Variants in ARHGAP42 observed in about 807,000 individuals in gnomAD.
ARHGAP42 encodes rho GTPase-activating protein 42.
Under a neutral mutation model 125.0 loss-of-function variants are expected in ARHGAP42, and 63 were observed. The ratio of observed to expected loss-of-function variants is 0.50; its 90% CI spans 0.41 to 0.62. The LOEUF is 0.62. Among genes scored for constraint, ARHGAP42 ranks in the 20% least tolerant of loss-of-function variants. The pLI, the probability that ARHGAP42 is intolerant of heterozygous loss-of-function variation, is 0.00. For synonymous variants in ARHGAP42, 339 were observed against 351.0 expected (o/e 0.97, Z 0.38); for missense variants, 766 against 1,024.2 (o/e 0.75, Z 3.44).
chr11:100,859,996 T>G (rs1865408995), intron 4 of ARHGAP42: 1 of 156,440 alleles, frequency 6.4e-6, no homozygotes, highest in Non-Finnish European at 1.4e-5. Context: ...TTCTTTGTAT[T>G]TTTTATAAAT....
intron 1 of ARHGAP42, among the ~76,000 whole-genome samples, chr11:100,765,786 A>G (rs1203249181): frequency 6.6e-6 from 1 of 152,150 alleles, no homozygotes; most frequent in Non-Finnish European, 1.5e-5. Flanking sequence ...ATCGAGACAG[A>G]TTGCTCCTGT....
chr11:100,749,742 G>A (rs555691153), intron 1 of ARHGAP42, among the ~76,000 whole-genome samples: 22 of 152,062 alleles, frequency 1.4e-4, no homozygotes, highest in Non-Finnish European at 2.4e-4. Flanking sequence ...GGACCCACTC[G>A]CTCCGTCCAG....
chr11:100,885,372 T>C (rs138296108), intron 4 of ARHGAP42, among the ~76,000 whole-genome samples: 1 of 152,196 alleles, frequency 6.6e-6, no homozygotes, highest in Non-Finnish European at 1.5e-5. Context: ...ATCTTCCCTG[T>C]CAACAATTTC....
intron 12 of ARHGAP42, among the ~76,000 whole-genome samples, chr11:100,956,355 T>TC (rs1857804705): frequency 6.6e-6 from 1 of 152,176 alleles, no homozygotes; most frequent in African/African-American, 2.4e-5. Flanking sequence ...GTTCATTTCT[T>TC]CTTTATAGTA....
At chr11:100,885,575 G>T (rs1036047008) in intron 4 of ARHGAP42, among the ~76,000 whole-genome samples, 2 of 152,018 alleles carry the variant, frequency 1.3e-5, no homozygotes, top group Non-Finnish European at 2.9e-5. Flanking sequence ...ATTTGAAATG[G>T]ATTCTAAAGT....
At chr11:100,959,452 G>A (rs1382145049) in intron 12 of ARHGAP42, among the ~76,000 whole-genome samples, 2 of 152,012 alleles carry the variant, frequency 1.3e-5, no homozygotes, top group Non-Finnish European at 2.9e-5. Flanking sequence ...GCAACCCAGG[G>A]AATCATCTTA....
intron 4 of ARHGAP42, among the ~76,000 whole-genome samples, chr11:100,885,975 G>A (rs562785554): frequency 9.8e-5 from 15 of 152,290 alleles, no homozygotes; most frequent in African/African-American, 3.4e-4. Context: ...GATGAGGTAG[G>A]TTTGCAGCCA....
chr11:100,853,258 G>C (rs1458912044), intron 3 of ARHGAP42, among the ~76,000 whole-genome samples: 1 of 152,092 alleles, frequency 6.6e-6, no homozygotes, highest in Non-Finnish European at 1.5e-5. Context: ...TTGAAAAGAA[G>C]TTTGACTTTG....
At chr11:100,716,403 G>T (rs973105162) in intron 1 of ARHGAP42, among the ~76,000 whole-genome samples, 5 of 152,216 alleles carry the variant, frequency 3.3e-5, no homozygotes, top group African/African-American at 1.2e-4. Context: ...AAAACAACCA[G>T]TGGATTCCGT....
intron 3 of ARHGAP42, among the ~76,000 whole-genome samples, chr11:100,847,039 G>C (rs1865085601): frequency 6.6e-6 from 1 of 152,062 alleles, no homozygotes; most frequent in African/African-American, 2.4e-5. Context: ...CATACGGAGT[G>C]GTCCAGTGAC....
intron 4 of ARHGAP42, among the ~76,000 whole-genome samples, chr11:100,875,952 G>T (rs80354720): frequency 6.6e-6 from 1 of 152,160 alleles, no homozygotes. Context: ...TGTTACAAGA[G>T]CACAGTTGGG....
chr11:100,948,809 C>T (rs1868095570), intron 11 of ARHGAP42, among the ~76,000 whole-genome samples: 1 of 152,046 alleles, frequency 6.6e-6, no homozygotes, highest in Non-Finnish European at 1.5e-5. Flanking sequence ...ACCTTGGCTC[C>T]ACCCATTAGG....
chr11:100,934,335 C>T (rs1010823290), intron 7 of ARHGAP42, among the ~76,000 whole-genome samples: 4 of 151,904 alleles, frequency 2.6e-5, no homozygotes, highest in Admixed American at 1.3e-4. Context: ...AGACATGCCA[C>T]CCTCTGAACC....
intron 4 of ARHGAP42, among the ~76,000 whole-genome samples, chr11:100,863,965 A>G (rs1591248731): frequency 6.6e-6 from 1 of 152,306 alleles, no homozygotes; most frequent in South Asian, 2.1e-4. Flanking sequence ...AAAAACTGCA[A>G]TTACTTTTGC....
intron 4 of ARHGAP42, among the ~76,000 whole-genome samples, chr11:100,860,274 C>T (rs559998407): frequency 8.7e-4 from 132 of 152,170 alleles, no homozygotes; most frequent in African/African-American, 3.0e-3. Context: ...TGTCGTATCC[C>T]TTCCCCATTT....
chr11:100,812,319 G>A (rs2135061240), intron 3 of ARHGAP42, among the ~76,000 whole-genome samples: 1 of 152,216 alleles, frequency 6.6e-6, no homozygotes, highest in Non-Finnish European at 1.5e-5. Flanking sequence ...AGAAGTAGTT[G>A]GAAAGGATAG....
intron 4 of ARHGAP42, among the ~76,000 whole-genome samples, chr11:100,872,105 G>T (rs1339428399): frequency 6.6e-6 from 1 of 152,076 alleles, no homozygotes; most frequent in Non-Finnish European, 1.5e-5. Flanking sequence ...TCTATAGACG[G>T]CTCCTATTTT....
chr11:100,859,521 C>G lies in ARHGAP42; in HGVS notation c.313-33C>G, dbSNP rs1455912842. On this transcript the variant is annotated intron_variant, in intron 3 of 23. Coordinates refer to ENST00000298815, the MANE Select transcript of ARHGAP42 (RefSeq NM_152432.4). Reference sequence around the variant, plus strand: ...TCAATGTTGTTGGCATGAAATTATGCAAGATTTAATATATGTGCATTTTTT... The same window carrying G: ...TCAATGTTGTTGGCATGAAATTATGGAAGATTTAATATATGTGCATTTTTT... 24 of 1,498,946 alleles carry G rather than the reference C, an allele frequency of 1.6e-5. 1 individual carries two copies. The Admixed American group carries it at 4.8e-4, about 30-fold the overall frequency. The allele number at this position is 1,498,946 out of a possible 1,614,324, so 92.9% of individuals were successfully genotyped here.
At chr11:100,920,407 G>T (rs1048709663) in intron 5 of ARHGAP42, among the ~76,000 whole-genome samples, 1 of 152,112 alleles carries the variant, frequency 6.6e-6, no homozygotes, top group African/African-American at 2.4e-5. Context: ...TTAACTGGAA[G>T]TCTTACCAAT....
Sources: gnomAD v4.1 joint callset for allele counts (sites outside exome capture counted in the v4.1 genomes callset) on GRCh38, gnomAD v4.1.1 for gene constraint, MANE v1.5 for transcripts, NCBI Gene and HGNC (gene_info 2026-07-23, HGNC 2026-07-21) for gene names.